The following SLC19A1 variants were observed in gnomAD, a reference collection of about 807,000 sequenced individuals.
The protein encoded by SLC19A1 is solute carrier family 19 member 1, also known as reduced folate transporter.
In SLC19A1, 37 loss-of-function variants were observed where a neutral mutation model predicts 35.3. That is an observed-to-expected ratio of 1.05 (90% CI 0.81 to 1.38). The LOEUF is 1.38. Ranked by LOEUF, SLC19A1 falls within the 40% of genes most tolerant of loss-of-function variation. The pLI is 0.00. For missense variants in SLC19A1, 831 were observed against 826.9 expected (o/e 1.00, Z -0.06); for synonymous variants, 460 against 398.5 (o/e 1.15, Z -1.84).
Position 45,534,868 on chromosome 21 carries a change from A to G in SLC19A1, c.190-2720T>C, listed in dbSNP as rs1035258018. Among the ~76,000 whole-genome samples, 2 of 152,290 alleles carry G rather than the reference A, an allele frequency of 1.3e-5. No individual in the cohort carries two copies. Among genetic ancestry groups the G allele is most frequent in the Non-Finnish European group, 2.9e-5 (2 of 68,046 alleles). ...GCGGCCACGACTCTGACACGAGGACAGCCTCCTGCTGCCTGAGCCCAGCGT... is the reference window on the plus strand; with the variant it reads ...GCGGCCACGACTCTGACACGAGGACGGCCTCCTGCTGCCTGAGCCCAGCGT... On this transcript the variant is annotated intron_variant, in intron 2 of 5. Coordinates refer to ENST00000311124, the MANE Select transcript of SLC19A1 (RefSeq NM_194255.4). The surrounding 1 kb of genome is among the most constrained non-coding windows in gnomAD (Gnocchi z 4.2).
intron 3 of SLC19A1, among the ~76,000 whole-genome samples, chr21:45,503,633 T>A (rs984465437): frequency 9.7e-6 from 1 of 102,854 alleles, no homozygotes; most frequent in African/African-American, 3.8e-5. Flanking sequence ...CTGGGGACTG[T>A]TGTGGGGTGG....
intron 3 of SLC19A1, chr21:45,505,375 C>T (rs1378409831): frequency 9.4e-6 from 15 of 1,593,638 alleles, no homozygotes; most frequent in Non-Finnish European, 1.1e-5. Flanking sequence ...CGTTCCCGGC[C>T]CTCCGGGCCC....
chr21:45,526,039 C>G, intron 4 of SLC19A1, 81 bp from the exon 5 acceptor site: 2 of 1,511,564 alleles, frequency 1.3e-6, no homozygotes, highest in Non-Finnish European at 1.8e-6. Flanking sequence ...GCCCGGCTCC[C>G]ACCAGCCCAT....
chr21:45,551,612 G>A (rs1320022188), intron 1 of SLC19A1, among the ~76,000 whole-genome samples: 1 of 152,094 alleles, frequency 6.6e-6, no homozygotes, highest in Non-Finnish European at 1.5e-5. Flanking sequence ...TTAATATGTC[G>A]TTTTATAAAG....
intron 3 of SLC19A1, chr21:45,505,454 G>C (rs761152480): frequency 5.3e-6 from 7 of 1,321,388 alleles, no homozygotes; most frequent in Non-Finnish European, 7.5e-6. Context: ...GCAGCCGGCT[G>C]GGCACCTGCG....
chr21:45,503,526 T>C (rs1461600066), intron 3 of SLC19A1, among the ~76,000 whole-genome samples: 3 of 151,334 alleles, frequency 2.0e-5, no homozygotes, highest in Non-Finnish European at 4.4e-5. Flanking sequence ...CTCAGTAAAC[T>C]ATTGCAAGAA....
At chr21:45,548,032 C>T (rs947820642), upstream of SLC19A1, among the ~76,000 whole-genome samples, 3 of 152,192 alleles carry the variant, frequency 2.0e-5, no homozygotes, top group Non-Finnish European at 4.4e-5. Context: ...ATAGCCAGAA[C>T]AATTGTGACT....
intron 3 of SLC19A1, among the ~76,000 whole-genome samples, chr21:45,503,444 T>G (rs2036973624): frequency 2.6e-5 from 4 of 152,222 alleles, no homozygotes. Flanking sequence ...CACCATGGAA[T>G]ACTACGCAGC....
downstream of SLC19A1, among the ~76,000 whole-genome samples, chr21:45,511,682 C>T (rs1200875971): frequency 1.3e-5 from 2 of 152,194 alleles, no homozygotes; most frequent in South Asian, 2.1e-4. Context: ...CACGTGAGCG[C>T]CGCGATTCTT....
In SLC19A1 at chr21:45,531,562, C is replaced by T. The variant is rs755762224; in HGVS notation, c.776G>A (p.Gly259Glu). 1 of 1,612,408 alleles carries T rather than the reference C, an allele frequency of 6.2e-7. No individual in the cohort carries two copies. The highest frequency in any genetic ancestry group is 2.2e-5 in the East Asian group (1 of 44,876). ...CAGCTGCGGCCGCCGCAGGCTGTCC[C>T]CCAGCTCCCGCAGCATCCGCGCCAG... ...SVLARMLREL[G>E]DSLRRPQLRL... is the part of the protein sequence containing the mutation. Residue 259 changes from glycine to glutamate, a missense_variant, in exon 3 of 6, where the codon GGG becomes GAG. Coordinates refer to ENST00000311124, the MANE Select transcript of SLC19A1 (RefSeq NM_194255.4).
intron 5 of SLC19A1, among the ~76,000 whole-genome samples, chr21:45,516,917 T>C (rs1418837755): frequency 6.6e-6 from 1 of 152,182 alleles, no homozygotes; most frequent in Non-Finnish European, 1.5e-5. Flanking sequence ...ACAGCTGTTT[T>C]TAAAGCAAAC....
upstream of SLC19A1, among the ~76,000 whole-genome samples, chr21:45,548,612 C>T (rs569051362): frequency 5.4e-4 from 82 of 151,934 alleles, no homozygotes; most frequent in Non-Finnish European, 9.1e-4. Flanking sequence ...GGTGTGGTGG[C>T]GGGTGCCTGT....
intron 2 of SLC19A1, among the ~76,000 whole-genome samples, chr21:45,535,494 G>A (rs555094567): frequency 6.6e-6 from 1 of 152,294 alleles, no homozygotes; most frequent in African/African-American, 2.4e-5. Flanking sequence ...GAGAAATGGC[G>A]GCAGAGCAAA....
chr21:45,527,497 G>A (rs990824035), intron 4 of SLC19A1, among the ~76,000 whole-genome samples: 17 of 134,988 alleles, frequency 1.3e-4, no homozygotes, highest in Middle Eastern at 5.8e-3. Context: ...CAGTTACTGC[G>A]GGCCCTGGAG....
rs1253660442 is a variant in SLC19A1, at chr21:45,531,871, G to C, written c.467C>G (p.Ser156Trp). ...PARYQRVAGY[S>W]RAAVLLGVFT... ...CACGCCCAGCAGCACCGCAGCGCGCGAGTAGCCGGCCACACGCTGGTAGCG... is the reference window on the plus strand; with the variant it reads ...CACGCCCAGCAGCACCGCAGCGCGCCAGTAGCCGGCCACACGCTGGTAGCG... The change falls in exon 3 of 6, where the codon TCG becomes TGG. Residue 156 changes from serine to tryptophan, a missense_variant. Ser to Trp is a radical substitution (Grantham distance 177, BLOSUM62 -3). Coordinates refer to ENST00000311124, the MANE Select transcript of SLC19A1 (RefSeq NM_194255.4). 6.3e-7 allele frequency: 1 copy of C among 1,585,804 alleles called. No individual in the cohort carries two copies. The highest frequency in any genetic ancestry group is 8.6e-7 in the Non-Finnish European group (1 of 1,166,832).
chr21:45,536,601 C>T (rs2078120096), intron 2 of SLC19A1: 1 of 160,284 alleles, frequency 6.2e-6, no homozygotes, highest in Admixed American at 6.5e-5. Context: ...GCACGGTGCT[C>T]TGAGCTGGGC....
In SLC19A1 at chr21:45,531,544, G is replaced by C. The variant is rs1333585092; in HGVS notation, c.794C>G (p.Pro265Arg). 1 of 1,612,270 alleles carries C rather than the reference G, an allele frequency of 6.2e-7. No homozygotes were observed. Among genetic ancestry groups the C allele is most frequent in the Non-Finnish European group, 8.5e-7 (1 of 1,179,598 alleles). Reference sequence around the variant, plus strand: ...CCAGAGGGACCACAGGCGCAGCTGCGGCCGCCGCAGGCTGTCCCCCAGCTC... The same window carrying C: ...CCAGAGGGACCACAGGCGCAGCTGCCGCCGCCGCAGGCTGTCCCCCAGCTC... ...LRELGDSLRRPQLRLWSLWWV... is the reference protein window; with the variant it reads ...LRELGDSLRRRQLRLWSLWWV... Residue 265 changes from proline (P) to arginine (R), a missense_variant, in exon 3 of 6, where the codon CCG becomes CGG. Physicochemically the swap from Pro to Arg is moderately radical, Grantham distance 103 (BLOSUM62 -2). Transcript: ENST00000311124.
At chr21:45,522,755 T>C (rs2077475001) in intron 5 of SLC19A1, among the ~76,000 whole-genome samples, 1 of 152,156 alleles carries the variant, frequency 6.6e-6, no homozygotes, top group Non-Finnish European at 1.5e-5. Flanking sequence ...TGCATAGCCG[T>C]GTTTATACAA....
chr21:45,544,584 G>A (rs2078393714), upstream of SLC19A1, among the ~76,000 whole-genome samples: 1 of 152,190 alleles, frequency 6.6e-6, no homozygotes, highest in Admixed American at 6.5e-5. Context: ...TTGTCAAATA[G>A]TTAAGTGCCT....
Sources: allele counts gnomAD v4.1 joint callset (sites outside exome capture counted in the v4.1 genomes callset), GRCh38; gene constraint gnomAD v4.1.1; non-coding constraint Gnocchi (gnomAD v3.1); transcripts MANE v1.5; gene names NCBI Gene and HGNC (gene_info 2026-07-23, HGNC 2026-07-21).